Variants in EPC1 observed in about 807,000 individuals in gnomAD.
EPC1 encodes enhancer of polycomb 1.
A neutral mutation model predicts 98.4 loss-of-function variants in EPC1; 12 were observed. That is an observed-to-expected ratio of 0.12 (90% CI 0.08 to 0.20). EPC1 has a LOEUF of 0.20. EPC1 is among the 10% of genes least tolerant of loss of function. The pLI is 1.00. For missense variants in EPC1, 729 were observed against 990.5 expected (o/e 0.74, Z 3.54); for synonymous variants, 357 against 363.9 (o/e 0.98, Z 0.21).
intron 1 of EPC1, among the ~76,000 whole-genome samples, chr10:32,311,152 T>C (rs936023005): frequency 1.3e-5 from 2 of 150,534 alleles, no homozygotes. Context: ...CTACTAAAAA[T>C]ACAAAAAAAA....
intron 10 of EPC1, among the ~76,000 whole-genome samples, chr10:32,276,950 A>G (rs1482098585): frequency 6.6e-6 from 1 of 152,188 alleles, no homozygotes; most frequent in African/African-American, 2.4e-5. Context: ...CCTTTCACAA[A>G]ACCAAAAAAT....
At chr10:32,333,015 C>G (rs1462289000) in intron 1 of EPC1, among the ~76,000 whole-genome samples, 1 of 152,126 alleles carries the variant, frequency 6.6e-6, no homozygotes, top group African/African-American at 2.4e-5. Context: ...GGGCAGGAGG[C>G]TTAGTAACAC....
At chr10:32,347,639 G>A (rs893789376), upstream of EPC1, among the ~76,000 whole-genome samples, 3 of 152,082 alleles carry the variant, frequency 2.0e-5, no homozygotes, top group African/African-American at 7.2e-5. Context: ...ACGGGGCTTC[G>A]GAGGGGCGCT....
intron 1 of EPC1, among the ~76,000 whole-genome samples, chr10:32,342,152 T>C (rs1838401727): frequency 6.6e-6 from 1 of 152,250 alleles, no homozygotes; most frequent in Admixed American, 6.5e-5. Context: ...TCAAACTATC[T>C]GTAATTAGTT....
At chr10:32,289,512 TA>T (rs1040561650) in intron 6 of EPC1, among the ~76,000 whole-genome samples, 13 of 145,268 alleles carry the variant, frequency 8.9e-5, no homozygotes, top group Non-Finnish European at 1.7e-4. Context: ...TTTACCACAA[TA>T]AAAAAAAAAC....
At chr10:32,304,855 G>A (rs1178100794) in intron 2 of EPC1, among the ~76,000 whole-genome samples, 3 of 151,392 alleles carry the variant, frequency 2.0e-5, no homozygotes, top group East Asian at 3.9e-4. Flanking sequence ...GGAGGTGGAG[G>A]TTGTGGTAAG....
intron 1 of EPC1, among the ~76,000 whole-genome samples, chr10:32,311,752 T>A (rs1364145026): frequency 6.6e-6 from 1 of 152,170 alleles, no homozygotes; most frequent in Non-Finnish European, 1.5e-5. Flanking sequence ...TTAGGCACAA[T>A]AAGTAACAAT....
intron 1 of EPC1, among the ~76,000 whole-genome samples, chr10:32,371,026 A>G (rs1388198303): frequency 6.6e-6 from 1 of 152,192 alleles, no homozygotes; most frequent in Non-Finnish European, 1.5e-5. Flanking sequence ...GAAGCTTATA[A>G]TGGCTTCTGA....
intron 1 of EPC1, among the ~76,000 whole-genome samples, chr10:32,312,162 T>A: frequency 6.6e-6 from 1 of 152,142 alleles, no homozygotes; most frequent in East Asian, 1.9e-4. Flanking sequence ...CAAATTCTTA[T>A]GTACAAGGAG....
intron 1 of EPC1, among the ~76,000 whole-genome samples, chr10:32,308,014 G>C (rs1256580374): frequency 1.3e-5 from 2 of 152,176 alleles, no homozygotes; most frequent in Non-Finnish European, 2.9e-5. Flanking sequence ...TAGCATTCAA[G>C]CATTCGTTTA....
At position 32,321,712 on chromosome 10, in the gene EPC1, T is replaced by C. The variant is rs1158185985; in HGVS notation, c.154-15781A>G. Among the ~76,000 whole-genome samples the C allele has an allele frequency of 2.6e-5, 4 of 152,142 alleles. No individual in the cohort carries two copies. In the South Asian group the frequency reaches 6.2e-4, roughly 24 times the overall value. Reference sequence around the variant, plus strand: ...ACTTCATGTTCACTCTGAAGACTGATTAAGTCACTTGTCCGAAGTGGCGGA... The same window carrying C: ...ACTTCATGTTCACTCTGAAGACTGACTAAGTCACTTGTCCGAAGTGGCGGA... On this transcript the variant is annotated intron_variant, in intron 1 of 13. Coordinates refer to ENST00000319778, the MANE Select transcript of EPC1 (RefSeq NM_001272004.3).
At chr10:32,276,044 T>C (rs1268448837) in intron 10 of EPC1, among the ~76,000 whole-genome samples, 1 of 152,202 alleles carries the variant, frequency 6.6e-6, no homozygotes, top group Non-Finnish European at 1.5e-5. Flanking sequence ...CTGGACACTT[T>C]TGGCAAATAG....
At chr10:32,300,248 A>AT (rs951412838) in intron 2 of EPC1, among the ~76,000 whole-genome samples, 15 of 150,608 alleles carry the variant, frequency 1.0e-4, no homozygotes, top group East Asian at 5.9e-4. Flanking sequence ...TTTTTTTTAA[A>AT]TTTTTTTTTA....
chr10:32,281,802 TG>T (rs1367086779), intron 10 of EPC1: 1 of 152,232 alleles, frequency 6.6e-6, no homozygotes, highest in African/African-American at 2.4e-5. Context: ...CCTGAGTAGC[TG>T]GGATTACAGG....
At chr10:32,327,041 GATGA>G (rs150612298) in intron 1 of EPC1, among the ~76,000 whole-genome samples, 22,674 of 132,116 alleles carry the variant, frequency 0.17, 2,068 homozygotes, top group South Asian at 0.36. Context: ...ACCATCAATA[GATGA>G]ATGAAGAAAA....
intron 1 of EPC1, among the ~76,000 whole-genome samples, chr10:32,346,009 G>A (rs752462178): frequency 5.9e-5 from 9 of 152,220 alleles, no homozygotes; most frequent in Admixed American, 3.3e-4. Context: ...AAAAGTCAGG[G>A]ATAGTGGTTT....
chr10:32,316,091 C>A (rs1836533027), intron 1 of EPC1, among the ~76,000 whole-genome samples: 1 of 152,202 alleles, frequency 6.6e-6, no homozygotes, highest in African/African-American at 2.4e-5. Context: ...TGCTCCCTCA[C>A]CTCAAGTTTT....
At chr10:32,305,551 A>G (rs1006909833) in intron 2 of EPC1, among the ~76,000 whole-genome samples, 7 of 150,138 alleles carry the variant, frequency 4.7e-5, no homozygotes, top group Non-Finnish European at 1.0e-4. Context: ...ATAAGATTGT[A>G]TGCTGGAATG....
intron 1 of EPC1, among the ~76,000 whole-genome samples, chr10:32,353,050 G>C (rs1258823674): frequency 6.6e-6 from 1 of 151,798 alleles, no homozygotes; most frequent in Admixed American, 6.6e-5. Flanking sequence ...AGCTACTCAG[G>C]AGGCTGAGGC....
Sources: allele counts gnomAD v4.1 joint callset (sites outside exome capture counted in the v4.1 genomes callset), GRCh38; gene constraint gnomAD v4.1.1; transcripts MANE v1.5; gene names NCBI Gene and HGNC (gene_info 2026-07-23, HGNC 2026-07-21).